Variants in TRABD2B observed in about 807,000 individuals in gnomAD.
TRABD2B encodes metalloprotease TIKI2.
Under a neutral mutation model 40.1 loss-of-function variants are expected in TRABD2B, and 14 were observed. The observed-to-expected ratio is 0.35, with a 90% confidence interval of 0.23 to 0.55. The LOEUF is 0.55. Among genes scored for constraint, TRABD2B ranks in the 20% least tolerant of loss-of-function variants. The pLI, the probability that TRABD2B is intolerant of heterozygous loss-of-function variation, is 0.90. For missense variants in TRABD2B, 541 were observed against 648.6 expected (o/e 0.83, Z 1.80); for synonymous variants, 263 against 277.0 (o/e 0.95, Z 0.50).
intron 2 of TRABD2B, among the ~76,000 whole-genome samples, chr1:47,810,670 G>A (rs1050194200): frequency 2.0e-5 from 3 of 152,238 alleles, no homozygotes; most frequent in Non-Finnish European, 4.4e-5. Context: ...CTGAAGAGCA[G>A]TGATTGTCAG....
rs142053794 is a variant in TRABD2B at position 47,837,607 on chromosome 1, A to G, written c.667-35988T>C. 3.0e-4 allele frequency among the ~76,000 whole-genome samples: 45 copies of G among 152,194 alleles called. No homozygotes were observed. The East Asian group carries it at 8.7e-3, about 30-fold the overall frequency. On this transcript the variant is annotated intron_variant, in intron 2 of 6. Transcript: ENST00000606738. ...CTCGCCTCCTGTCTGTATCACCTTG[A>G]CCATCAGGCCTCTGCAGGGCGGAGA...
chr1:47,838,394 G>A (rs543852379), intron 2 of TRABD2B, among the ~76,000 whole-genome samples: 4 of 152,322 alleles, frequency 2.6e-5, no homozygotes, highest in South Asian at 2.1e-4. Flanking sequence ...TCCATCTCTG[G>A]AGGAGGGTCA....
In TRABD2B at chr1:47,996,143, G is replaced by C. The variant is rs1646087747; in HGVS notation, c.102+545C>G. ...CTTTTCACGAAATATGGACGCTTGG[G>C]AGAGTAGGTGGTGGGAGCCTGGGCC... On this transcript the variant is annotated intron_variant, in intron 1 of 6. Transcript: ENST00000606738. This position sits in a 1 kb window ranked among gnomAD's most constrained non-coding sequence, Gnocchi z 4.6. 6.6e-6 allele frequency among the ~76,000 whole-genome samples: 1 copy of C among 152,102 alleles called. No homozygotes were observed. The highest frequency in any genetic ancestry group is 2.4e-5 in the African/African-American group (1 of 41,416).
rs147082785 is a variant in TRABD2B, at chr1:47,976,335, C to G, written c.666+17699G>C. Reference sequence around the variant, plus strand: ...ATCAAAATGACATTTCCTCCACTATCTCCCCAACCCCTTCCTTTGCTTGTT... The same window carrying G: ...ATCAAAATGACATTTCCTCCACTATGTCCCCAACCCCTTCCTTTGCTTGTT... On this transcript the variant is annotated intron_variant, in intron 2 of 6. Transcript: ENST00000606738. Among the ~76,000 whole-genome samples, 250 of 152,310 alleles carry G rather than the reference C, an allele frequency of 1.6e-3. 2 individuals carry two copies. The highest frequency in any genetic ancestry group is 7.2e-3 in the Admixed American group (110 of 15,294).
chr1:47,793,973 C>A (rs534677034), intron 4 of TRABD2B, among the ~76,000 whole-genome samples: 8 of 152,224 alleles, frequency 5.3e-5, no homozygotes, highest in Non-Finnish European at 1.2e-4. Flanking sequence ...TCATCATCAT[C>A]ATGATGATCA....
chr1:47,977,659 GA>G (rs1234763190), intron 2 of TRABD2B, among the ~76,000 whole-genome samples: 3 of 147,826 alleles, frequency 2.0e-5, no homozygotes, highest in Non-Finnish European at 3.0e-5. Context: ...ACTCTTTCTT[GA>G]GCACAAGAAT....
intron 2 of TRABD2B, chr1:47,820,211 A>G (rs1201483071): frequency 6.6e-6 from 1 of 152,204 alleles, no homozygotes; most frequent in Non-Finnish European, 1.5e-5. Flanking sequence ...CATATGATGC[A>G]CTCAATAAAT....
intron 2 of TRABD2B, among the ~76,000 whole-genome samples, chr1:47,970,146 G>C (rs749571574): frequency 2.0e-5 from 3 of 152,010 alleles, no homozygotes; most frequent in Non-Finnish European, 4.4e-5. Flanking sequence ...CCAAGTCCTT[G>C]TTATCAAGTG....
At chr1:47,791,289 T>C (rs558529942) in intron 4 of TRABD2B, among the ~76,000 whole-genome samples, 1 of 152,312 alleles carries the variant, frequency 6.6e-6, no homozygotes, top group South Asian at 2.1e-4. Flanking sequence ...AGGCTGGGCC[T>C]GTCGTGGAAT....
chr1:47,922,883 T>A (rs1415545777), intron 2 of TRABD2B, among the ~76,000 whole-genome samples: 2 of 152,216 alleles, frequency 1.3e-5, no homozygotes, highest in African/African-American at 2.4e-5. Flanking sequence ...CTCCCCTGTT[T>A]AAAACCCTTC....
chr1:47,923,347 G>T (rs1380168298), intron 2 of TRABD2B, among the ~76,000 whole-genome samples: 1 of 152,230 alleles, frequency 6.6e-6, no homozygotes, highest in Non-Finnish European at 1.5e-5. Context: ...AAGAGGGCAA[G>T]GAATGGGTGT....
At chr1:47,942,387 TC>T (rs869160060) in intron 2 of TRABD2B, among the ~76,000 whole-genome samples, 2 of 112,038 alleles carry the variant, frequency 1.8e-5, no homozygotes, top group South Asian at 3.4e-4. Context: ...AAGGGGACGA[TC>T]AGGGGAGGCA....
chr1:47,854,847 G>A (rs1295386530), intron 2 of TRABD2B, among the ~76,000 whole-genome samples: 2 of 152,206 alleles, frequency 1.3e-5, no homozygotes, highest in Non-Finnish European at 1.5e-5. Flanking sequence ...TTGTATAGGT[G>A]GTGAGAGGTA....
At chr1:47,893,988 T>C (rs543577911) in intron 2 of TRABD2B, among the ~76,000 whole-genome samples, 1 of 152,336 alleles carries the variant, frequency 6.6e-6, no homozygotes, top group Admixed American at 6.5e-5. Context: ...CTCCCTCTGA[T>C]TGTTGATTGT....
At chr1:47,801,005 G>C (rs188980315) in intron 3 of TRABD2B, among the ~76,000 whole-genome samples, 1 of 152,312 alleles carries the variant, frequency 6.6e-6, no homozygotes, top group East Asian at 1.9e-4. Flanking sequence ...TGGAGTCTGA[G>C]CAGGGGTGAG....
At chr1:47,963,586 G>T (rs531933128) in intron 2 of TRABD2B, among the ~76,000 whole-genome samples, 1 of 152,330 alleles carries the variant, frequency 6.6e-6, no homozygotes, top group South Asian at 2.1e-4. Context: ...TTAGCATTCA[G>T]CAGTGGAGAT....
chr1:47,900,225 T>C (rs938860896), intron 2 of TRABD2B, among the ~76,000 whole-genome samples: 1 of 152,056 alleles, frequency 6.6e-6, no homozygotes, highest in East Asian at 1.9e-4. Flanking sequence ...TGTTGGAAGA[T>C]TGGGCTGGAG....
At chr1:47,825,076 C>T (rs1023418261) in intron 2 of TRABD2B, among the ~76,000 whole-genome samples, 12 of 152,184 alleles carry the variant, frequency 7.9e-5, no homozygotes, top group African/African-American at 2.2e-4. Context: ...GGTCACAGAG[C>T]GGGCTGTGGG....
chr1:47,984,374 A>G (rs972240890), intron 2 of TRABD2B, among the ~76,000 whole-genome samples: 1 of 152,208 alleles, frequency 6.6e-6, no homozygotes, highest in Non-Finnish European at 1.5e-5. Context: ...CTGCTCTTTT[A>G]GGAAACGTGC....
Sources: gnomAD v4.1 joint callset for allele counts (sites outside exome capture counted in the v4.1 genomes callset) on GRCh38, gnomAD v4.1.1 for gene constraint, Gnocchi (gnomAD v3.1) non-coding constraint, MANE v1.5 for transcripts, NCBI Gene and HGNC (gene_info 2026-07-23, HGNC 2026-07-21) for gene names.